OSBPL1A: variants seen among roughly 807,000 people sequenced by gnomAD.
OSBPL1A encodes oxysterol binding protein like 1A.
OSBPL1A carries 80 observed loss-of-function variants against 137.1 expected under a neutral mutation model. The observed-to-expected ratio is 0.58, with a 90% CI of 0.49 to 0.70. The LOEUF (loss-of-function observed/expected upper bound fraction) is 0.70, where lower values mean the gene tolerates loss of function less well. Ranked by LOEUF, OSBPL1A falls within the 30% of genes least tolerant of loss-of-function variation. OSBPL1A has a pLI of 0.00. For synonymous variants in OSBPL1A, 365 were observed against 389.7 expected, an observed-to-expected ratio of 0.94 and a Z score of 0.75; for missense variants, 970 against 1,129.4, an observed-to-expected ratio of 0.86 and a Z score of 2.02.
intron 21 of OSBPL1A, 51 bp downstream of exon 21, chr18:24,177,962 C>A: frequency 6.5e-7 from 1 of 1,537,942 alleles, no homozygotes; most frequent in South Asian, 1.2e-5. Context: ...CATGTCTACA[C>A]TTACAGGCAG....
At chr18:24,241,716 G>A (rs950244001) in intron 15 of OSBPL1A, among the ~76,000 whole-genome samples, 1 of 152,180 alleles carries the variant, frequency 6.6e-6, no homozygotes, top group Admixed American at 6.5e-5. Context: ...AAGACAGTGT[G>A]GCGATTCCTC....
intron 21 of OSBPL1A, among the ~76,000 whole-genome samples, chr18:24,174,841 T>C (rs866952770): frequency 3.9e-5 from 6 of 151,986 alleles, no homozygotes; most frequent in South Asian, 4.1e-4. Context: ...TGGTGGATCA[T>C]AGCTCACTGC....
At chr18:24,306,560 C>A (rs1452895115) in intron 13 of OSBPL1A, among the ~76,000 whole-genome samples, 1 of 152,124 alleles carries the variant, frequency 6.6e-6, no homozygotes, top group Non-Finnish European at 1.5e-5. Flanking sequence ...ATTCCATTTA[C>A]ATGAAATTCT....
chr18:24,334,282 G>A lies in OSBPL1A; in HGVS notation c.443C>T (p.Ala148Val), dbSNP rs1435086549. 7 of 1,611,808 alleles carry A rather than the reference G, an allele frequency of 4.3e-6. No individual in the cohort carries two copies. The highest frequency in any genetic ancestry group is 5.9e-6 in the Non-Finnish European group (7 of 1,179,332). ...QRKLEELLLAAAREGKTTELT... is the reference protein window; with the variant it reads ...QRKLEELLLAVAREGKTTELT... ...TTCTGTTGTTTTGCCTTCTCTTGCT[G>A]CTGCTAAAAGTAATTCTTCAAGCTT... Residue 148 changes from alanine to valine, a missense_variant, in exon 6 of 28, where the codon GCA becomes GTA. By Grantham distance (64) the Ala-to-Val change is moderately conservative (BLOSUM62 0). Coordinates refer to ENST00000319481, the MANE Select transcript of OSBPL1A (RefSeq NM_080597.4).
At chr18:24,192,698 CG>C (rs918056075) in intron 18 of OSBPL1A, among the ~76,000 whole-genome samples, 2 of 152,076 alleles carry the variant, frequency 1.3e-5, no homozygotes, top group African/African-American at 4.8e-5. Flanking sequence ...GCTGCAGACA[CG>C]GGGGGCCAAG....
intron 6 of OSBPL1A, 121 bp from the exon 7 acceptor site, chr18:24,333,207 G>T: frequency 1.8e-6 from 2 of 1,123,296 alleles, no homozygotes; most frequent in Non-Finnish European, 1.3e-6. Context: ...CATCCAGGCT[G>T]TTAGTGGTTT....
intron 17 of OSBPL1A, among the ~76,000 whole-genome samples, chr18:24,199,912 A>G (rs1322362889): frequency 6.6e-6 from 1 of 152,144 alleles, no homozygotes; most frequent in African/African-American, 2.4e-5. Context: ...AGAATTACCC[A>G]CCTACAACGT....
intron 14 of OSBPL1A, among the ~76,000 whole-genome samples, chr18:24,297,836 C>T (rs72886707): frequency 0.043 from 6,603 of 152,122 alleles, 218 homozygotes; most frequent in African/African-American, 0.084. Flanking sequence ...AGAAGTTCCA[C>T]GTGCTAATGA....
chr18:24,308,300 G>C (rs2090545267), intron 13 of OSBPL1A, among the ~76,000 whole-genome samples: 1 of 150,828 alleles, frequency 6.6e-6, no homozygotes, highest in African/African-American at 2.4e-5. Context: ...ATTTTTAGTA[G>C]AGACAGGGTT....
intron 17 of OSBPL1A, 34 bp from the exon 18 acceptor site, chr18:24,196,234 C>T (rs567381816): frequency 1.4e-6 from 2 of 1,461,880 alleles, no homozygotes; most frequent in Non-Finnish European, 9.5e-7. Context: ...AAAGTTCATT[C>T]TAATGCCATT....
chr18:24,391,609 G>C (rs892110594), intron 1 of OSBPL1A, among the ~76,000 whole-genome samples: 6 of 150,768 alleles, frequency 4.0e-5, no homozygotes, highest in African/African-American at 1.5e-4. Context: ...CGCACCTATA[G>C]ATCCAGCTAC....
intron 15 of OSBPL1A, among the ~76,000 whole-genome samples, chr18:24,270,135 A>G (rs2089682050): frequency 5.9e-5 from 9 of 152,232 alleles, no homozygotes; most frequent in Admixed American, 5.9e-4. Context: ...AATATTTCTT[A>G]TAATTCTCAG....
intron 21 of OSBPL1A, among the ~76,000 whole-genome samples, chr18:24,177,010 A>C (rs2086468213): frequency 6.6e-6 from 1 of 152,158 alleles, no homozygotes; most frequent in Non-Finnish European, 1.5e-5. Context: ...TATCTCCCAC[A>C]ACTAGGTCTT....
chr18:24,331,541 C>T (rs951348425), intron 7 of OSBPL1A, among the ~76,000 whole-genome samples: 12 of 151,504 alleles, frequency 7.9e-5, no homozygotes, highest in East Asian at 7.8e-4. Flanking sequence ...GGACTACAGG[C>T]GCCCGCCACC....
At chr18:24,339,967 T>C (rs2091246242) in intron 5 of OSBPL1A, among the ~76,000 whole-genome samples, 2 of 152,162 alleles carry the variant, frequency 1.3e-5, no homozygotes, top group South Asian at 4.1e-4. Flanking sequence ...GGTTTTTACA[T>C]AAATAAAAAT....
intron 4 of OSBPL1A, among the ~76,000 whole-genome samples, chr18:24,343,998 A>C (rs905797835): frequency 1.3e-5 from 2 of 152,210 alleles, no homozygotes; most frequent in Admixed American, 6.5e-5. Context: ...CCCTATCAAG[A>C]GAGAAAAAGG....
At chr18:24,173,178 A>G (rs1355278448) in intron 21 of OSBPL1A, among the ~76,000 whole-genome samples, 1 of 152,188 alleles carries the variant, frequency 6.6e-6, no homozygotes, top group African/African-American at 2.4e-5. Flanking sequence ...GTTCTCATTT[A>G]TAAGTGGGAG....
At chr18:24,299,188 C>T (rs1277176485) in intron 14 of OSBPL1A, among the ~76,000 whole-genome samples, 1 of 151,998 alleles carries the variant, frequency 6.6e-6, no homozygotes, top group Non-Finnish European at 1.5e-5. Context: ...TGTTGGCTGC[C>T]ATTTTGTATC....
At chr18:24,345,389 G>A (rs2091329931) in intron 4 of OSBPL1A, among the ~76,000 whole-genome samples, 2 of 152,148 alleles carry the variant, frequency 1.3e-5, no homozygotes, top group African/African-American at 4.8e-5. Context: ...ATAATCAGGT[G>A]TTAAGGAAGT....
Sources: allele counts gnomAD v4.1 joint callset (sites outside exome capture counted in the v4.1 genomes callset), GRCh38; gene constraint gnomAD v4.1.1; transcripts MANE v1.5; gene names NCBI Gene and HGNC (gene_info 2026-07-23, HGNC 2026-07-21).